The following CACNA2D1 variants were observed in gnomAD, a reference collection of about 807,000 sequenced individuals.
The protein encoded by CACNA2D1 is voltage-dependent calcium channel subunit alpha-2/delta-1.
Under a neutral mutation model 171.5 loss-of-function variants are expected in CACNA2D1, and 53 were observed. That is an observed-to-expected ratio of 0.31 (90% CI 0.25 to 0.39). The LOEUF (loss-of-function observed/expected upper bound fraction) is 0.39, where lower values mean the gene tolerates loss of function less well. CACNA2D1 is among the 10% of genes least tolerant of loss of function. CACNA2D1 has a pLI of 1.00. For missense variants in CACNA2D1, 903 were observed against 1,299.8 expected (o/e 0.69, Z 4.69); for synonymous variants, 442 against 443.1 (o/e 1.00, Z 0.03).
At chr7:82,020,877 C>T (rs1182431280) in intron 12 of CACNA2D1, 1 of 152,120 alleles carries the variant, frequency 6.6e-6, no homozygotes, top group Non-Finnish European at 1.5e-5. Context: ...GTTGAATTCG[C>T]TCAAGTAAAT....
chr7:82,046,715 AC>A (rs1804597575), intron 10 of CACNA2D1, among the ~76,000 whole-genome samples: 2 of 152,188 alleles, frequency 1.3e-5, no homozygotes, highest in African/African-American at 4.8e-5. Flanking sequence ...AAAAAATGGC[AC>A]CAGTAGATAA....
At chr7:82,362,545 CACCTGCAGTAATGG>C (rs1300423200) in intron 1 of CACNA2D1, among the ~76,000 whole-genome samples, 1 of 152,128 alleles carries the variant, frequency 6.6e-6, no homozygotes, top group Non-Finnish European at 1.5e-5. Context: ...TGTTTTAGGT[CACCTGCAGTAATGG>C]AGGAAAAAAG....
Position 81,959,321 on chromosome 7 carries a change from G to A in CACNA2D1, c.3113C>T (p.Pro1038Leu). Residue 1038 changes from proline to leucine, a missense_variant, in exon 38 of 39, where the codon CCC becomes CTC. Pro to Leu is a moderately conservative substitution (Grantham distance 98). This residue lies in a region of CACNA2D1 where 623 missense variants were observed against 925.5 expected (regional missense o/e 0.67). Coordinates refer to ENST00000356860, the MANE Select transcript of CACNA2D1 (RefSeq NM_000722.4). ...GPNPCDMVKQ[P>L]RYRKGPDVCF... The stretch of plus-strand genomic sequence containing the variant: ...GACATCAGGCCCTTTTCGGTATCTG[G>A]GTTGCTTAACCATGTCACAAGGATT... 1 of 1,611,406 alleles carries A rather than the reference G, an allele frequency of 6.2e-7. No homozygotes were observed. The highest frequency in any genetic ancestry group is 8.5e-7 in the Non-Finnish European group (1 of 1,177,856).
intron 3 of CACNA2D1, among the ~76,000 whole-genome samples, chr7:82,215,982 T>C (rs1801057565): frequency 6.6e-6 from 1 of 152,314 alleles, no homozygotes; most frequent in Non-Finnish European, 1.5e-5. Context: ...AAATAAATCT[T>C]AATTGTGCCT....
intron 38 of CACNA2D1, among the ~76,000 whole-genome samples, chr7:81,957,259 TAAATATTG>T (rs1251459996): frequency 1.3e-5 from 2 of 152,090 alleles, no homozygotes; most frequent in Non-Finnish European, 2.9e-5. Context: ...GATTTTTACA[TAAATATTG>T]AATATGTTTC....
intron 10 of CACNA2D1, among the ~76,000 whole-genome samples, chr7:82,039,135 C>G (rs573466437): frequency 6.6e-6 from 1 of 152,166 alleles, no homozygotes; most frequent in Admixed American, 6.5e-5. Flanking sequence ...TAAAAAAAAG[C>G]ATATTTGCCA....
intron 3 of CACNA2D1, among the ~76,000 whole-genome samples, chr7:82,322,372 T>C (rs1816084551): frequency 6.9e-6 from 1 of 144,808 alleles, no homozygotes; most frequent in Non-Finnish European, 1.5e-5. Context: ...GCCAGTACTT[T>C]GGCAGACTGA....
intron 6 of CACNA2D1, among the ~76,000 whole-genome samples, chr7:82,088,590 A>G (rs957926839): frequency 6.6e-6 from 1 of 152,126 alleles, no homozygotes; most frequent in African/African-American, 2.4e-5. Flanking sequence ...GGAAATATCA[A>G]TGTAAATTAG....
chr7:82,360,785 T>C (rs1264963516), intron 1 of CACNA2D1, among the ~76,000 whole-genome samples: 5 of 152,188 alleles, frequency 3.3e-5, no homozygotes, highest in East Asian at 3.8e-4. Flanking sequence ...AATTGACTCA[T>C]GTGGCACTTC....
chr7:82,111,576 G>A (rs1788475651), intron 6 of CACNA2D1, among the ~76,000 whole-genome samples: 1 of 150,148 alleles, frequency 6.7e-6, no homozygotes, highest in South Asian at 2.1e-4. Flanking sequence ...GCCTTCCAAG[G>A]AGCTGGGACT....
rs1272070753 is a variant in CACNA2D1 at position 81,947,707 on chromosome 7, A to G, written c.*2685T>C. Reference sequence around the variant, plus strand: ...GTTCAGTCGTTGGAAATCAATATTAATAACAGGCTATAATTTAAGTTCTTG... The same window carrying G: ...GTTCAGTCGTTGGAAATCAATATTAGTAACAGGCTATAATTTAAGTTCTTG... On this transcript the variant is annotated 3_prime_UTR_variant, in exon 39 of 39. Coordinates refer to ENST00000356860, the MANE Select transcript of CACNA2D1 (RefSeq NM_000722.4). 2 of 151,892 alleles carry G rather than the reference A, an allele frequency of 1.3e-5. No homozygotes were observed. Among genetic ancestry groups the G allele is most frequent in the Non-Finnish European group, 2.9e-5 (2 of 67,850 alleles). The allele number at this position is 151,892 out of a possible 1,614,324, so 9.4% of individuals were successfully genotyped here. A position where few individuals can be genotyped will look rare whatever the true frequency, so the allele number is the denominator to read the frequency against.
At chr7:82,409,215 G>T (rs1044985016) in intron 1 of CACNA2D1, among the ~76,000 whole-genome samples, 1 of 152,140 alleles carries the variant, frequency 6.6e-6, no homozygotes, top group African/African-American at 2.4e-5. Flanking sequence ...CAACATTTGA[G>T]TGACTATTAC....
intron 24 of CACNA2D1, among the ~76,000 whole-genome samples, chr7:81,978,947 CGTAA>C (rs1375704615): frequency 6.6e-6 from 1 of 151,746 alleles, no homozygotes; most frequent in Non-Finnish European, 1.5e-5. Context: ...TCCCTAAACA[CGTAA>C]GTAAATTTCG....
intron 3 of CACNA2D1, among the ~76,000 whole-genome samples, chr7:82,211,860 AC>A: frequency 6.6e-6 from 1 of 152,114 alleles, no homozygotes; most frequent in African/African-American, 2.4e-5. Flanking sequence ...CTGCAACCTC[AC>A]CAAACACCTG....
At chr7:82,433,155 T>C (rs191623376) in intron 1 of CACNA2D1, among the ~76,000 whole-genome samples, 113 of 150,644 alleles carry the variant, frequency 7.5e-4, no homozygotes, top group Non-Finnish European at 1.3e-3. Flanking sequence ...ACCACTGCAC[T>C]CCAGCCTGAG....
intron 1 of CACNA2D1, among the ~76,000 whole-genome samples, chr7:82,383,585 GT>G (rs1347847175): frequency 6.6e-6 from 1 of 152,152 alleles, no homozygotes; most frequent in Admixed American, 6.6e-5. Context: ...AAATGAAATA[GT>G]GGCAAATATG....
In CACNA2D1 at chr7:82,052,582, C is replaced by G. The variant is rs142084839; in HGVS notation, c.879+7846G>C. On this transcript the variant is annotated intron_variant, in intron 10 of 38. Coordinates refer to ENST00000356860, the MANE Select transcript of CACNA2D1 (RefSeq NM_000722.4). ...CAGTATATACTCAAAATAAAGCAGA[C>G]TAACTCATAAGACTGAAAAATTTCT... Among the ~76,000 whole-genome samples, 936 of 152,142 alleles carry G rather than the reference C, an allele frequency of 6.2e-3. 3 individuals are homozygous for G. The highest frequency in any genetic ancestry group is 0.011 in the Non-Finnish European group (755 of 67,982).
At chr7:82,104,593 T>A (rs1392949326) in intron 6 of CACNA2D1, among the ~76,000 whole-genome samples, 1 of 152,050 alleles carries the variant, frequency 6.6e-6, no homozygotes, top group East Asian at 1.9e-4. Flanking sequence ...CCCTTATTTT[T>A]GGAACCATTC....
intron 1 of CACNA2D1, among the ~76,000 whole-genome samples, chr7:82,405,982 T>G (rs973341523): frequency 6.6e-6 from 1 of 152,114 alleles, no homozygotes; most frequent in Non-Finnish European, 1.5e-5. Flanking sequence ...GTTGGTGTGC[T>G]GCACCCATTA....
Sources: gnomAD v4.1 joint callset for allele counts (sites outside exome capture counted in the v4.1 genomes callset) on GRCh38, gnomAD v4.1.1 for gene constraint, gnomAD v4.1.1 regional missense constraint, MANE v1.5 for transcripts, NCBI Gene and HGNC (gene_info 2026-07-23, HGNC 2026-07-21) for gene names.